Variants in WARS2 observed in about 807,000 individuals in gnomAD.
WARS2 encodes the protein tryptophanyl tRNA synthetase 2, mitochondrial, also known as tryptophan--tRNA ligase, mitochondrial.
WARS2 carries 28 observed loss-of-function variants against 36.5 expected under a neutral mutation model. The observed-to-expected ratio is 0.77, with a 90% CI of 0.57 to 1.05. The LOEUF (loss-of-function observed/expected upper bound fraction) is 1.05. WARS2 is among the 50% of genes least tolerant of loss of function. The pLI, the probability that WARS2 is intolerant of heterozygous loss-of-function variation, is 0.00. For missense variants in WARS2, 435 were observed against 456.8 expected, an observed-to-expected ratio of 0.95 and a Z score of 0.44; for synonymous variants, 174 against 178.4, an observed-to-expected ratio of 0.98 and a Z score of 0.20.
chr1:119,109,638 T>G (rs763661408), intron 1 of WARS2, among the ~76,000 whole-genome samples: 1 of 151,888 alleles, frequency 6.6e-6, no homozygotes, highest in Non-Finnish European at 1.5e-5. Context: ...TCTTGTTGGT[T>G]TTTTTGATCC....
In WARS2 at chr1:119,126,479, ATTT is replaced by A. The variant is rs35511707; in HGVS notation, c.90+14073_90+14075del. 6.5e-3 allele frequency: 2,186 copies of A among 337,282 alleles called. 1 individual carries two copies. Among genetic ancestry groups the A allele is most frequent in the South Asian group, 9.2e-3 (295 of 32,132 alleles). The allele number at this position is 337,282 out of a possible 1,614,324, so 20.9% of individuals were successfully genotyped here. The stretch of plus-strand genomic sequence containing the variant: ...ATGGTAACACTCTGAGGTAGATACT[ATTT>A]TTTTTTTTTTTTTCACAAATAGGAC... On this transcript the variant is annotated intron_variant, in intron 1 of 5. Coordinates refer to ENST00000235521, the MANE Select transcript of WARS2 (RefSeq NM_015836.4).
In WARS2 at chr1:119,057,233, C is replaced by T. The variant is rs572485863; in HGVS notation, c.349-11571G>A. Among the ~76,000 whole-genome samples the T allele has an allele frequency of 4.6e-5, 7 of 152,024 alleles. No homozygotes were observed. In the South Asian group the frequency reaches 1.5e-3, roughly 32 times the overall value. On this transcript the variant is annotated intron_variant, in intron 2 of 5. Transcript: ENST00000235521. ...CGATCTCGGCTGACTGAAACCTCTGCCTCCTGGGTTCAAGTGATTCTCCTG... is the reference window on the plus strand; with the variant it reads ...CGATCTCGGCTGACTGAAACCTCTGTCTCCTGGGTTCAAGTGATTCTCCTG...
At chr1:119,041,929 G>A (rs576616247) in intron 4 of WARS2, among the ~76,000 whole-genome samples, 8 of 152,136 alleles carry the variant, frequency 5.3e-5, no homozygotes, top group East Asian at 1.9e-4. Context: ...CTGTAAAATC[G>A]GGACAATAAG....
chr1:119,098,845 T>A (rs1653654208), intron 1 of WARS2, among the ~76,000 whole-genome samples: 1 of 152,148 alleles, frequency 6.6e-6, no homozygotes, highest in African/African-American at 2.4e-5. Flanking sequence ...CAAGTGATTC[T>A]CCTGCCTCAG....
At chr1:119,077,959 G>A (rs1039979153) in intron 1 of WARS2, among the ~76,000 whole-genome samples, 2 of 152,140 alleles carry the variant, frequency 1.3e-5, no homozygotes, top group African/African-American at 2.4e-5. Flanking sequence ...GAACAACTAT[G>A]TTGCAAGCAT....
At chr1:119,136,309 C>T (rs918989283) in intron 1 of WARS2, among the ~76,000 whole-genome samples, 2 of 152,200 alleles carry the variant, frequency 1.3e-5, no homozygotes, top group Non-Finnish European at 2.9e-5. Flanking sequence ...CATTCAGCTA[C>T]AGTTCTTCCT....
intron 1 of WARS2, among the ~76,000 whole-genome samples, chr1:119,093,170 T>A (rs1653161784): frequency 6.6e-6 from 1 of 152,102 alleles, no homozygotes; most frequent in Admixed American, 6.6e-5. Flanking sequence ...AAGTGAGAAG[T>A]CTTATGAGAA....
chr1:119,090,690 A>G (rs949954401), intron 1 of WARS2, among the ~76,000 whole-genome samples: 1 of 152,134 alleles, frequency 6.6e-6, no homozygotes, highest in African/African-American at 2.4e-5. Context: ...TGGTCAACGT[A>G]GGGAGATCCT....
chr1:119,065,939 C>A (rs1313579287), intron 2 of WARS2, among the ~76,000 whole-genome samples: 1 of 152,014 alleles, frequency 6.6e-6, no homozygotes, highest in Non-Finnish European at 1.5e-5. Context: ...TTTAAAAATA[C>A]TGTAAATAAA....
At chr1:119,105,323 C>G (rs10923748) in intron 1 of WARS2, among the ~76,000 whole-genome samples, 56,496 of 152,024 alleles carry the variant, frequency 0.37, 11,427 homozygotes, top group East Asian at 0.8. Context: ...AAGATGCTTA[C>G]TATTAGTCTT....
At chr1:119,127,649 C>A (rs587710694) in intron 1 of WARS2, among the ~76,000 whole-genome samples, 2 of 152,302 alleles carry the variant, frequency 1.3e-5, no homozygotes, top group South Asian at 4.2e-4. Flanking sequence ...GAATGATGCT[C>A]AACAGGGTTT....
chr1:119,125,471 A>G (rs1387976923), intron 1 of WARS2, among the ~76,000 whole-genome samples: 1 of 152,220 alleles, frequency 6.6e-6, no homozygotes, highest in Non-Finnish European at 1.5e-5. Flanking sequence ...GCACTAGTCT[A>G]TCTCCAATAT....
chr1:119,086,947 C>A (rs587745789), intron 1 of WARS2, among the ~76,000 whole-genome samples: 107 of 152,112 alleles, frequency 7.0e-4, no homozygotes, highest in Non-Finnish European at 1.3e-3. Flanking sequence ...CTCTTTTCTG[C>A]GTGGGGAACT....
At chr1:119,123,703 GATA>G (rs1354064550) in intron 1 of WARS2, among the ~76,000 whole-genome samples, 2 of 152,010 alleles carry the variant, frequency 1.3e-5, no homozygotes, top group African/African-American at 4.8e-5. Context: ...TACCTATCTG[GATA>G]ATACTATCTT....
chr1:119,047,396 A>T (rs1648952296), intron 2 of WARS2: 1 of 152,214 alleles, frequency 6.6e-6, no homozygotes, highest in Non-Finnish European at 1.5e-5. Flanking sequence ...TCAAATGCTT[A>T]GCTTTGGTGA....
intron 1 of WARS2, among the ~76,000 whole-genome samples, chr1:119,096,233 TGTAAA>T (rs1653430836): frequency 6.6e-6 from 1 of 152,206 alleles, no homozygotes; most frequent in Non-Finnish European, 1.5e-5. Flanking sequence ...GTATTTCAAT[TGTAAA>T]GTAATGCAGC....
At chr1:119,055,285 C>G (rs1649679157) in intron 2 of WARS2, among the ~76,000 whole-genome samples, 2 of 151,890 alleles carry the variant, frequency 1.3e-5, no homozygotes, top group Admixed American at 1.3e-4. Flanking sequence ...TAATACAAGT[C>G]TAGAATTAGA....
intron 2 of WARS2, among the ~76,000 whole-genome samples, chr1:119,072,655 A>C (rs1034917858): frequency 1.9e-4 from 29 of 152,146 alleles, no homozygotes; most frequent in African/African-American, 7.0e-4. Flanking sequence ...GTAGATCTTC[A>C]CTCAAACAAG....
chr1:119,101,858 C>T (rs918931778), intron 1 of WARS2, among the ~76,000 whole-genome samples: 1 of 152,172 alleles, frequency 6.6e-6, no homozygotes, highest in Non-Finnish European at 1.5e-5. Context: ...GTTCTAACAA[C>T]TCCTCCTTTT....
Sources: gnomAD v4.1 joint callset for allele counts (sites outside exome capture counted in the v4.1 genomes callset) on GRCh38, gnomAD v4.1.1 for gene constraint, MANE v1.5 for transcripts, NCBI Gene and HGNC (gene_info 2026-07-23, HGNC 2026-07-21) for gene names.